Variants in MBD5 observed in about 807,000 individuals in gnomAD.
MBD5 encodes the protein methyl-CpG binding domain protein 5, also known as methyl-CpG-binding domain protein 5.
Under a neutral mutation model 117.3 loss-of-function variants are expected in MBD5, and 13 were observed. That is an observed-to-expected ratio of 0.11 (90% CI 0.07 to 0.18). MBD5 has a LOEUF of 0.18. Ranked by LOEUF, MBD5 falls within the 10% of genes least tolerant of loss-of-function variation. The pLI is 1.00. For synonymous variants in MBD5, 727 were observed against 766.4 expected (o/e 0.95, Z 0.85); for missense variants, 1,879 against 2,093.8 (o/e 0.90, Z 2.00).
At chr2:148,084,718 T>G (rs1013954397) in intron 1 of MBD5, among the ~76,000 whole-genome samples, 25 of 152,210 alleles carry the variant, frequency 1.6e-4, no homozygotes, top group Non-Finnish European at 3.4e-4. Context: ...TGCATTACCA[T>G]GAAATTTTTG....
At chr2:148,166,859 A>G (rs1698135838) in intron 1 of MBD5, among the ~76,000 whole-genome samples, 1 of 152,104 alleles carries the variant, frequency 6.6e-6, no homozygotes, top group African/African-American at 2.4e-5. Flanking sequence ...ATATGTTCCT[A>G]ATATGTAACT....
intron 1 of MBD5, among the ~76,000 whole-genome samples, chr2:148,166,707 T>G (rs959957353): frequency 6.6e-6 from 1 of 152,168 alleles, no homozygotes; most frequent in African/African-American, 2.4e-5. Flanking sequence ...CTAACACCTC[T>G]CCCTGCTATG....
At chr2:148,439,444 T>G (rs985633419) in intron 4 of MBD5, among the ~76,000 whole-genome samples, 4 of 152,302 alleles carry the variant, frequency 2.6e-5, no homozygotes, top group African/African-American at 7.2e-5. Flanking sequence ...ATTTAAGTTT[T>G]GGGTGGTTCT....
At chr2:148,432,621 G>A (rs2105346308) in intron 4 of MBD5, among the ~76,000 whole-genome samples, 1 of 152,152 alleles carries the variant, frequency 6.6e-6, no homozygotes, top group South Asian at 2.1e-4. Flanking sequence ...TATTGAATGG[G>A]GAATTCTTTC....
chr2:148,386,718 CAAAAAAAA>C (rs60766324), intron 4 of MBD5, among the ~76,000 whole-genome samples: 30 of 104,230 alleles, frequency 2.9e-4, no homozygotes, highest in African/African-American at 7.7e-4. Flanking sequence ...GACTCCGTCT[CAAAAAAAA>C]AAAAAAAAAA....
intron 1 of MBD5, among the ~76,000 whole-genome samples, chr2:148,085,702 CG>C (rs1482671942): frequency 6.6e-6 from 1 of 150,760 alleles, no homozygotes; most frequent in Non-Finnish European, 1.5e-5. Flanking sequence ...CCAGCCTGGG[CG>C]ACATAGCGAG....
intron 1 of MBD5, among the ~76,000 whole-genome samples, chr2:148,098,959 G>T (rs1280954029): frequency 6.6e-6 from 1 of 152,184 alleles, no homozygotes; most frequent in Admixed American, 6.5e-5. Flanking sequence ...AGAGGCTGAT[G>T]CAGTTGGATC....
At chr2:148,403,226 C>T (rs1704975816) in intron 4 of MBD5, among the ~76,000 whole-genome samples, 2 of 151,090 alleles carry the variant, frequency 1.3e-5, no homozygotes, top group East Asian at 3.9e-4. Flanking sequence ...GTCACCCAGG[C>T]TGGAGTGCAG....
intron 1 of MBD5, among the ~76,000 whole-genome samples, chr2:148,170,514 C>T (rs779215153): frequency 3.9e-5 from 6 of 152,056 alleles, no homozygotes; most frequent in African/African-American, 9.7e-5. Flanking sequence ...GGATTCTTTG[C>T]GGTTTTATTT....
intron 1 of MBD5, among the ~76,000 whole-genome samples, chr2:148,151,371 A>G (rs1371247868): frequency 6.6e-6 from 1 of 151,842 alleles, no homozygotes; most frequent in Non-Finnish European, 1.5e-5. Flanking sequence ...TTTTTGCATC[A>G]ATGTTCATCA....
intron 4 of MBD5, among the ~76,000 whole-genome samples, chr2:148,364,542 C>T (rs6748825): frequency 0.5 from 76,255 of 151,928 alleles, 19,424 homozygotes; most frequent in East Asian, 0.75. Flanking sequence ...TAGACACAGG[C>T]TGGCAAATCG....
chr2:148,046,156 G>T (rs1171875529), intron 1 of MBD5, among the ~76,000 whole-genome samples: 1 of 151,590 alleles, frequency 6.6e-6, no homozygotes, highest in East Asian at 1.9e-4. Context: ...GCTAATTTTT[G>T]TATTTTTAGT....
intron 4 of MBD5, among the ~76,000 whole-genome samples, chr2:148,405,392 C>T (rs1028672268): frequency 6.6e-6 from 1 of 152,210 alleles, no homozygotes; most frequent in African/African-American, 2.4e-5. Context: ...TAAGATACTT[C>T]TGAGTATTCC....
At chr2:148,229,877 C>G (rs983773527) in intron 2 of MBD5, among the ~76,000 whole-genome samples, 1 of 152,144 alleles carries the variant, frequency 6.6e-6, no homozygotes. Flanking sequence ...TGTCCCACCC[C>G]ACCCCCATCT....
At chr2:148,155,353 G>A (rs1466725008) in intron 1 of MBD5, among the ~76,000 whole-genome samples, 1 of 152,180 alleles carries the variant, frequency 6.6e-6, no homozygotes, top group African/African-American at 2.4e-5. Flanking sequence ...TTGGGAAAAT[G>A]ATGAGGTAGC....
intron 1 of MBD5, among the ~76,000 whole-genome samples, chr2:148,114,322 T>C (rs1353419106): frequency 6.6e-6 from 1 of 151,742 alleles, no homozygotes. Flanking sequence ...ATACAGAAAT[T>C]AGCCAGGTGT....
At chr2:148,456,305 A>T (rs1014681952) in intron 4 of MBD5, among the ~76,000 whole-genome samples, 5 of 152,140 alleles carry the variant, frequency 3.3e-5, no homozygotes, top group Admixed American at 1.3e-4. Context: ...TTTCACTGCA[A>T]ACTCACATGT....
chr2:148,231,546 C>CT (rs34002489), intron 2 of MBD5, among the ~76,000 whole-genome samples: 48,361 of 151,668 alleles, frequency 0.32, 8,067 homozygotes, highest in South Asian at 0.43. Flanking sequence ...TATGAAGGTG[C>CT]TTTTTTTTGT....
intron 4 of MBD5, among the ~76,000 whole-genome samples, chr2:148,449,235 G>T (rs4972363): frequency 0.89 from 134,714 of 152,052 alleles, 60,096 homozygotes; most frequent in East Asian, 1. Context: ...AGGAAGTGTT[G>T]CATAGTATTT....
Sources: gnomAD v4.1 joint callset for allele counts (sites outside exome capture counted in the v4.1 genomes callset) on GRCh38, gnomAD v4.1.1 for gene constraint, MANE v1.5 for transcripts, NCBI Gene and HGNC (gene_info 2026-07-23, HGNC 2026-07-21) for gene names.